Variants in STARD13 observed in about 807,000 individuals in gnomAD.
STARD13 encodes the protein StAR related lipid transfer domain containing 13.
In STARD13, 62 loss-of-function variants were observed where a neutral mutation model predicts 106.4. The ratio of observed to expected loss-of-function variants is 0.58; its 90% CI spans 0.48 to 0.72. The LOEUF is 0.72. STARD13 is among the 30% of genes least tolerant of loss of function. The pLI, the probability that STARD13 is intolerant of heterozygous loss-of-function variation, is 0.00. For synonymous variants in STARD13, 565 were observed against 553.0 expected (o/e 1.02, Z -0.31); for missense variants, 1,387 against 1,424.0 (o/e 0.97, Z 0.42).
Position 33,165,386 on chromosome 13 carries a change from T to C in STARD13, c.274A>G (p.Lys92Glu), listed in dbSNP as rs1883199322. The C allele has an allele frequency of 1.9e-6, 3 of 1,613,982 alleles. No homozygotes were observed. Among genetic ancestry groups the C allele is most frequent in the Non-Finnish European group, 2.5e-6 (3 of 1,179,852 alleles). The change falls in exon 3 of 14, where the codon AAG becomes GAG. Residue 92 changes from lysine to glutamate, a missense_variant. By Grantham distance (56) the Lys-to-Glu change is moderately conservative. Coordinates refer to ENST00000336934, the MANE Select transcript of STARD13 (RefSeq NM_178006.4). ...SQFPINIVAVKNDHDFLEKDL... is the reference protein window; with the variant it reads ...SQFPINIVAVENDHDFLEKDL... Reference sequence around the variant, plus strand: ...TTTTCAAGAAAATCATGATCATTCTTGACAGCCACAATGTTGATGGGAAAT... The same window carrying C: ...TTTTCAAGAAAATCATGATCATTCTCGACAGCCACAATGTTGATGGGAAAT...
intron 1 of STARD13, among the ~76,000 whole-genome samples, chr13:33,240,898 T>C (rs1889452384): frequency 6.6e-6 from 1 of 152,226 alleles, no homozygotes; most frequent in African/African-American, 2.4e-5. Context: ...ATGCAACTGA[T>C]GTTCGCATGT....
chr13:33,642,467 C>T, the STARD13 span, among the ~76,000 whole-genome samples: 1 of 152,238 alleles, frequency 6.6e-6, no homozygotes, highest in African/African-American at 2.4e-5. Flanking sequence ...TGGGTCTGGT[C>T]ACTCAAGAGT....
intron 1 of STARD13, among the ~76,000 whole-genome samples, chr13:33,180,078 GTTTCATGATACTC>G (rs1259036966): frequency 6.6e-6 from 1 of 152,214 alleles, no homozygotes; most frequent in Non-Finnish European, 1.5e-5. Context: ...TCCACAGAAT[GTTTCATGATACTC>G]TTTCTGGTAA....
At chr13:33,284,253 A>G (rs1347437885) in intron 1 of STARD13, among the ~76,000 whole-genome samples, 6 of 152,202 alleles carry the variant, frequency 3.9e-5, no homozygotes, top group African/African-American at 1.4e-4. Context: ...CTAGTTCCTG[A>G]ACCTTTACAA....
At chr13:33,235,751 C>T (rs1889155384) in intron 1 of STARD13, among the ~76,000 whole-genome samples, 1 of 152,216 alleles carries the variant, frequency 6.6e-6, no homozygotes, top group African/African-American at 2.4e-5. Flanking sequence ...TCTTGGGTCC[C>T]CTCCAGACTT....
rs566952942 is a variant in STARD13 at position 33,126,068 on chromosome 13, G to T, written c.2082+13C>A. On this transcript the variant is annotated intron_variant, in intron 7 of 13. Transcript: ENST00000336934. Reference sequence around the variant, plus strand: ...GGGGTGGTGGGGCAGCAGCGGGGGGGTTACAGCCCTACCTGATCGAGGCAG... The same window carrying T: ...GGGGTGGTGGGGCAGCAGCGGGGGGTTTACAGCCCTACCTGATCGAGGCAG... 10 of 1,612,916 alleles carry T rather than the reference G, an allele frequency of 6.2e-6. No individual in the cohort carries two copies. Among genetic ancestry groups the T allele is most frequent in the South Asian group, 3.3e-5 (3 of 91,032 alleles).
chr13:33,318,566 T>C (rs1052725562), intron 1 of STARD13, among the ~76,000 whole-genome samples: 1 of 152,036 alleles, frequency 6.6e-6, no homozygotes, highest in African/African-American at 2.4e-5. Context: ...AAAAATAGAT[T>C]AATTGGAATT....
intron 1 of STARD13, among the ~76,000 whole-genome samples, chr13:33,328,074 G>C (rs2077797148): frequency 6.6e-6 from 1 of 152,180 alleles, no homozygotes; most frequent in Admixed American, 6.5e-5. Context: ...TATGACATTT[G>C]TTTTTCGTAT....
At chr13:33,565,056 A>G in the STARD13 span, among the ~76,000 whole-genome samples, 1 of 147,486 alleles carries the variant, frequency 6.8e-6, no homozygotes, top group Non-Finnish European at 1.5e-5. Context: ...CTGGAACCAG[A>G]AGTCGTTATG....
chr13:33,405,955 G>A, the STARD13 span, among the ~76,000 whole-genome samples: 1 of 152,182 alleles, frequency 6.6e-6, no homozygotes, highest in Admixed American at 6.5e-5. Flanking sequence ...AGTAATTTTT[G>A]TGTGTCGTCT....
At chr13:33,399,142 G>A in the STARD13 span, among the ~76,000 whole-genome samples, 1 of 151,980 alleles carries the variant, frequency 6.6e-6, no homozygotes, top group Admixed American at 6.6e-5. Flanking sequence ...ACACAATGGA[G>A]TATTATTCAG....
upstream of STARD13, among the ~76,000 whole-genome samples, chr13:33,288,059 C>G (rs1043460456): frequency 6.6e-6 from 1 of 151,808 alleles, no homozygotes. Context: ...AATGATTCTT[C>G]CTGAGAAGGA....
At chr13:33,500,223 G>A in the STARD13 span, among the ~76,000 whole-genome samples, 1 of 152,142 alleles carries the variant, frequency 6.6e-6, no homozygotes, top group Non-Finnish European at 1.5e-5. Flanking sequence ...ACAATGGATT[G>A]AGAAAAATTT....
intron 1 of STARD13, among the ~76,000 whole-genome samples, chr13:33,229,192 G>A (rs2138203641): frequency 6.6e-6 from 1 of 152,238 alleles, no homozygotes; most frequent in East Asian, 1.9e-4. Context: ...CTCCTTGGTG[G>A]GAAAGTAAAC....
chr13:33,489,363 A>G, the STARD13 span, among the ~76,000 whole-genome samples: 1 of 151,576 alleles, frequency 6.6e-6, no homozygotes, highest in Non-Finnish European at 1.5e-5. Context: ...TGTGTTATTA[A>G]GTTATCTCTT....
intron 4 of STARD13, chr13:33,138,626 A>G (rs1482595140): frequency 4.1e-6 from 1 of 244,902 alleles, no homozygotes; most frequent in Non-Finnish European, 8.2e-6. Flanking sequence ...CGTTAACTGG[A>G]GCTACGTGGC....
Position 33,178,441 on chromosome 13 carries a change from T to C in STARD13, c.170-10819A>G, listed in dbSNP as rs148168904. Among the ~76,000 whole-genome samples, 586 of 152,322 alleles carry C rather than the reference T, an allele frequency of 3.8e-3. 4 individuals carry two copies. Among genetic ancestry groups the C allele is most frequent in the African/African-American group, 0.014 (571 of 41,572 alleles). ...TGGTGAACGTATTTCAGGGACTACT[T>C]CTGGGTTGACATTTCTCATGTTATT... On this transcript the variant is annotated intron_variant, in intron 1 of 13. Transcript: ENST00000336934.
intron 1 of STARD13, among the ~76,000 whole-genome samples, chr13:33,264,150 C>T (rs764961382): frequency 2.0e-5 from 3 of 152,312 alleles, no homozygotes; most frequent in South Asian, 4.1e-4. Context: ...CCCAAGGCTT[C>T]GGATGTTCCT....
chr13:33,313,465 T>C (rs989296153), intron 1 of STARD13, among the ~76,000 whole-genome samples: 1 of 152,196 alleles, frequency 6.6e-6, no homozygotes, highest in African/African-American at 2.4e-5. Context: ...CATATGATGC[T>C]GACCCTTGCC....
Sources: gnomAD v4.1 joint callset for allele counts (sites outside exome capture counted in the v4.1 genomes callset) on GRCh38, gnomAD v4.1.1 for gene constraint, MANE v1.5 for transcripts, NCBI Gene and HGNC (gene_info 2026-07-23, HGNC 2026-07-21) for gene names.